Variants in RPUSD4 observed in about 807,000 individuals in gnomAD.
RPUSD4 encodes RNA pseudouridine synthase D4, also known as pseudouridylate synthase RPUSD4, mitochondrial.
A neutral mutation model predicts 35.4 loss-of-function variants in RPUSD4; 37 were observed. The observed-to-expected ratio is 1.04, with a 90% CI of 0.80 to 1.37. The LOEUF is 1.37. Ranked by LOEUF, RPUSD4 falls within the 40% of genes most tolerant of loss-of-function variation. The pLI, the probability that RPUSD4 is intolerant of heterozygous loss-of-function variation, is 0.00. For missense variants in RPUSD4, 507 were observed against 484.9 expected (o/e 1.05, Z -0.43); for synonymous variants, 210 against 192.7 (o/e 1.09, Z -0.74).
chr11:126,202,605 T>C lies in RPUSD4; in HGVS notation c.*813A>G, dbSNP rs1949724951. 1.3e-5 allele frequency: 2 copies of C among 152,270 alleles called. No individual in the cohort carries two copies. The highest frequency in any genetic ancestry group is 4.1e-4 in the South Asian group (2 of 4,830). 9.4% of individuals were successfully genotyped at this position (152,270 alleles called of 1,614,324 possible). A position where few individuals can be genotyped will look rare whatever the true frequency, so the allele number is the denominator to read the frequency against. ...ACATAGACTGCAAACTGCTAGCCTGTAGACCAAATTCAACCTCTAAGTATT... is the reference window on the plus strand; with the variant it reads ...ACATAGACTGCAAACTGCTAGCCTGCAGACCAAATTCAACCTCTAAGTATT... On this transcript the variant is annotated 3_prime_UTR_variant, in exon 7 of 7. Transcript: ENST00000298317.
rs773557008 is a variant in RPUSD4 at position 126,203,647 on chromosome 11, A to C, written c.905T>G (p.Val302Gly). 32 of 1,612,632 alleles carry C rather than the reference A, an allele frequency of 2.0e-5. No individual in the cohort carries two copies. The highest frequency in any genetic ancestry group is 2.5e-5 in the Non-Finnish European group (30 of 1,178,912). Reference protein sequence around the residue: ...WNRLAPQKLSVGTLKKLGLEQ... With the variant: ...WNRLAPQKLSGGTLKKLGLEQ... The stretch of plus-strand genomic sequence containing the variant: ...TAGCCCCAGCTTCTTCAGGGTGCCC[A>C]CAGACAGCTTCTATACAAAGAAAGG... Residue 302 changes from valine (V) to glycine (G), a missense_variant, in exon 7 of 7, where the codon GTG (valine) becomes GGG (glycine). Transcript: ENST00000298317.
chr11:126,204,805 C>T (rs1949752842), intron 5 of RPUSD4, among the ~76,000 whole-genome samples: 1 of 152,208 alleles, frequency 6.6e-6, no homozygotes, highest in Non-Finnish European at 1.5e-5. Context: ...GCTTCCCAAA[C>T]TGAAACTCTG....
chr11:126,205,523 G>A lies in RPUSD4; in HGVS notation c.741C>T (p.Tyr247=). The A allele has an allele frequency of 6.2e-7, 1 of 1,614,260 alleles. No homozygotes were observed. The highest frequency in any genetic ancestry group is 1.1e-5 in the South Asian group (1 of 91,092). ...AGGAGAGAGTGCTGCTGAGCACCTG[G>A]TACTGAGTTACAGCAACTTGCGCAT... is the stretch of plus-strand genomic sequence containing the variant. ...SRNAQVAVTQ[Y]QVLSSTLSSA... The change falls in exon 5 of 7, where the codon TAC becomes TAT. Residue 247 remains tyrosine (Y), a synonymous_variant. Coordinates refer to ENST00000298317, the MANE Select transcript of RPUSD4 (RefSeq NM_032795.3).
chr11:126,211,421 C>G (rs764087182), intron 1 of RPUSD4, 29 bp downstream of exon 1: 3 of 1,589,670 alleles, frequency 1.9e-6, no homozygotes, highest in Non-Finnish European at 2.6e-6. Flanking sequence ...CGCACTGCCT[C>G]TAGGGAGTTC....
intron 5 of RPUSD4, 40 bp downstream of exon 5, chr11:126,205,428 A>C: frequency 1.2e-6 from 2 of 1,610,556 alleles, no homozygotes; most frequent in African/African-American, 1.3e-5. Context: ...CTGGTGGCAC[A>C]GGGTTTTGTG....
In RPUSD4 at chr11:126,204,286, T is replaced by G. The variant is rs980085656; in HGVS notation, c.839A>C (p.Asp280Ala). The change falls in exon 6 of 7, where the codon GAT becomes GCT. Residue 280 changes from aspartate to alanine, a missense_variant. Coordinates refer to ENST00000298317, the MANE Select transcript of RPUSD4 (RefSeq NM_032795.3). ...CTTGTGATCACCAAGGATTGGACAA[T>G]CCAATCCAAAAGACAAGTGAACTCG... is the stretch of plus-strand genomic sequence containing the variant. ...QLRVHLSFGLDCPILGDHKYS... is the reference protein window; with the variant it reads ...QLRVHLSFGLACPILGDHKYS... 1 of 1,613,588 alleles carries G rather than the reference T, an allele frequency of 6.2e-7. No individual in the cohort carries two copies. The highest frequency in any genetic ancestry group is 8.5e-7 in the Non-Finnish European group (1 of 1,179,924).
chr11:126,204,276 G>T lies in RPUSD4; in HGVS notation c.849C>A (p.Ile283=), dbSNP rs1205065878. The part of the protein sequence containing the change: ...VHLSFGLDCP[I]LGDHKYSDWN... Reference sequence around the variant, plus strand: ...AGTCTGAGTACTTGTGATCACCAAGGATTGGACAATCCAATCCAAAAGACA... The same window carrying T: ...AGTCTGAGTACTTGTGATCACCAAGTATTGGACAATCCAATCCAAAAGACA... Residue 283 remains isoleucine, a synonymous_variant, in exon 6 of 7, where the codon ATC becomes ATA. Transcript: ENST00000298317. 2 of 1,613,572 alleles carry T rather than the reference G, an allele frequency of 1.2e-6. No homozygotes were observed. Among genetic ancestry groups the T allele is most frequent in the Admixed American group, 1.7e-5 (1 of 59,892 alleles).
rs775910269 is a variant in RPUSD4, at chr11:126,205,447, G to A, written c.796+21C>T. On this transcript the variant is annotated intron_variant, in intron 5 of 6. Coordinates refer to ENST00000298317, the MANE Select transcript of RPUSD4 (RefSeq NM_032795.3). ...TGGCACAGGGTTTTGTGATCCCACT[G>A]CGGAAAAGTGACACTCTCACCAGTG... 2.5e-6 allele frequency: 4 copies of A among 1,613,748 alleles called. No individual in the cohort carries two copies. The African/African-American group carries it at 5.3e-5, about 22-fold the overall frequency.
At position 126,205,688 on chromosome 11, in the gene RPUSD4, C is replaced by T. The variant is rs763081156; in HGVS notation, c.651G>A (p.Lys217=). The change falls in exon 4 of 7, where the codon AAG becomes AAA. Residue 217 remains lysine, a splice_region_variant and synonymous_variant. Transcript: ENST00000298317. Reference sequence around the variant, plus strand: ...TGCCTCAGGGAGGCTGCTCGCTCACCTTGTGGTGTTGCTGCTGGCCTTGCG... The same window carrying T: ...TGCCTCAGGGAGGCTGCTCGCTCACTTTGTGGTGTTGCTGCTGGCCTTGCG... ...KEAQGQQQHH[K]MTLSPSYRMD... is the part of the protein sequence containing the mutation. 2 of 1,613,442 alleles carry T rather than the reference C, an allele frequency of 1.2e-6. No individual in the cohort carries two copies. Among genetic ancestry groups the T allele is most frequent in the South Asian group, 2.2e-5 (2 of 91,000 alleles).
At chr11:126,210,026 G>A (rs959410620) in intron 2 of RPUSD4, among the ~76,000 whole-genome samples, 6 of 152,184 alleles carry the variant, frequency 3.9e-5, no homozygotes, top group Non-Finnish European at 7.3e-5. Context: ...GACATACTTT[G>A]AAAAACCATG....
rs34377353 is a variant in RPUSD4, at chr11:126,203,652, C to T, written c.900G>A (p.Leu300=). The change falls in exon 7 of 7, where the codon CTG becomes CTA. Residue 300 remains leucine, a synonymous_variant. Coordinates refer to ENST00000298317, the MANE Select transcript of RPUSD4 (RefSeq NM_032795.3). The part of the protein sequence containing the change: ...SDWNRLAPQK[L]SVGTLKKLGL... Reference sequence around the variant, plus strand: ...CCAGCTTCTTCAGGGTGCCCACAGACAGCTTCTATACAAAGAAAGGACAGA... The same window carrying T: ...CCAGCTTCTTCAGGGTGCCCACAGATAGCTTCTATACAAAGAAAGGACAGA... The T allele has an allele frequency of 1.1e-4, 173 of 1,612,290 alleles. 2 individuals are homozygous for T. The African/African-American group carries it at 2.0e-3, about 19-fold the overall frequency.
intron 1 of RPUSD4, 151 bp from the exon 2 acceptor site, chr11:126,211,206 C>T (rs1949860994): frequency 2.0e-6 from 2 of 1,005,266 alleles, no homozygotes; most frequent in Admixed American, 2.3e-5. Context: ...CAGAGATACC[C>T]ATCTGTCTAA....
At chr11:126,207,120 G>GAA (rs1376811269) in intron 3 of RPUSD4, among the ~76,000 whole-genome samples, 1 of 152,026 alleles carries the variant, frequency 6.6e-6, no homozygotes, top group Non-Finnish European at 1.5e-5. Context: ...TATGAACTAG[G>GAA]TACTGTGTTA....
At chr11:126,210,526 C>T (rs1055242529) in intron 2 of RPUSD4, among the ~76,000 whole-genome samples, 1 of 150,912 alleles carries the variant, frequency 6.6e-6, no homozygotes, top group South Asian at 2.1e-4. Flanking sequence ...TACATACACA[C>T]ACACACACAC....
chr11:126,209,558 C>T lies in RPUSD4; in HGVS notation c.520G>A (p.Glu174Lys), dbSNP rs754526065. The T allele has an allele frequency of 1.8e-5, 29 of 1,614,248 alleles. No homozygotes were observed. The highest frequency in any genetic ancestry group is 2.2e-5 in the Non-Finnish European group (26 of 1,180,052). Residue 174 changes from glutamate (E) to lysine (K), a missense_variant, in exon 3 of 7, where the codon GAG becomes AAG. Coordinates refer to ENST00000298317, the MANE Select transcript of RPUSD4 (RefSeq NM_032795.3). ...ACCACCTGACGGGTTCTAAACAACT[C>T]TTGGACTTGATGTGCCATGTCCTTG... ...WDKDMAHQVQ[E>K]LFRTRQVVKK...
At chr11:126,207,503 T>C (rs530319621) in intron 3 of RPUSD4, among the ~76,000 whole-genome samples, 10 of 152,204 alleles carry the variant, frequency 6.6e-5, no homozygotes, top group Non-Finnish European at 1.3e-4. Flanking sequence ...TAAAAAGGAC[T>C]AACATTCAAA....
chr11:126,206,336 C>T (rs911362441), intron 3 of RPUSD4: 1 of 151,770 alleles, frequency 6.6e-6, no homozygotes, highest in African/African-American at 2.4e-5. Flanking sequence ...TGGATCACTT[C>T]AGGTCAGGAG....
chr11:126,210,792 G>T, intron 2 of RPUSD4, 98 bp downstream of exon 2: 1 of 1,207,240 alleles, frequency 8.3e-7, no homozygotes, highest in Non-Finnish European at 1.2e-6. Context: ...TAATTTGAAT[G>T]CAAGGCTTTA....
chr11:126,203,783 G>C, intron 6 of RPUSD4, 126 bp from the exon 7 acceptor site: 1 of 1,236,710 alleles, frequency 8.1e-7, no homozygotes, highest in Non-Finnish European at 1.1e-6. Flanking sequence ...CAGTAATGGA[G>C]AGTCTGCTTC....
Sources: allele counts gnomAD v4.1 joint callset (sites outside exome capture counted in the v4.1 genomes callset), GRCh38; gene constraint gnomAD v4.1.1; transcripts MANE v1.5; gene names NCBI Gene and HGNC (gene_info 2026-07-23, HGNC 2026-07-21).